The following CDC123 variants were observed in gnomAD, a reference collection of about 807,000 sequenced individuals.
The protein encoded by CDC123 is cell division cycle 123.
CDC123 carries 37 observed loss-of-function variants against 54.4 expected under a neutral mutation model. The observed-to-expected ratio is 0.68, with a 90% CI of 0.52 to 0.89. The LOEUF (loss-of-function observed/expected upper bound fraction) is 0.89, where lower values mean the gene tolerates loss of function less well. CDC123 is among the 40% of genes least tolerant of loss of function. The pLI is 0.00. For synonymous variants in CDC123, 144 were observed against 136.8 expected (o/e 1.05, Z -0.37); for missense variants, 361 against 412.1 (o/e 0.88, Z 1.07).
intron 6 of CDC123, among the ~76,000 whole-genome samples, chr10:12,225,718 T>C (rs969190189): frequency 6.7e-6 from 1 of 149,592 alleles, no homozygotes; most frequent in Non-Finnish European, 1.5e-5. Flanking sequence ...AATAATTGAC[T>C]TTTCTCTTTT....
intron 10 of CDC123, among the ~76,000 whole-genome samples, chr10:12,241,095 C>G (rs1836051472): frequency 6.6e-6 from 1 of 152,156 alleles, no homozygotes; most frequent in African/African-American, 2.4e-5. Context: ...TAGGGTTACA[C>G]TCTTCAGGGT....
chr10:12,235,512 G>T (rs76517520), intron 8 of CDC123, among the ~76,000 whole-genome samples: 3 of 152,134 alleles, frequency 2.0e-5, no homozygotes, highest in Non-Finnish European at 1.5e-5. Flanking sequence ...TATTATTGGG[G>T]CACTGTTTAT....
intron 9 of CDC123, 26 bp from the exon 10 acceptor site, chr10:12,238,431 T>C (rs766520724): frequency 1.3e-6 from 2 of 1,596,256 alleles, no homozygotes; most frequent in East Asian, 4.5e-5. Context: ...AGTTCATTAA[T>C]AACTGACTTT....
Position 12,210,277 on chromosome 10 carries a change from C to G in CDC123, c.205-13C>G. The G allele has an allele frequency of 6.2e-7, 1 of 1,613,376 alleles. No individual in the cohort carries two copies. Among genetic ancestry groups the G allele is most frequent in the Non-Finnish European group, 8.5e-7 (1 of 1,179,840 alleles). ...AAATTTAATGTTTTATTTTTTTCCT[C>G]TTTTTCATGCAGTGGTCTGATGATG... is the stretch of plus-strand genomic sequence containing the variant. On this transcript the variant is annotated splice_polypyrimidine_tract_variant and intron_variant, in intron 3 of 12. Coordinates refer to ENST00000281141, the MANE Select transcript of CDC123 (RefSeq NM_006023.3).
chr10:12,210,392 A>G (rs1835581531), intron 4 of CDC123, 70 bp downstream of exon 4: 1 of 1,541,944 alleles, frequency 6.5e-7, no homozygotes, highest in Admixed American at 1.9e-5. Context: ...TCAAGGTTTA[A>G]GTGCATACCT....
chr10:12,209,428 A>T (rs965861472), intron 2 of CDC123, among the ~76,000 whole-genome samples: 3 of 152,162 alleles, frequency 2.0e-5, no homozygotes, highest in Admixed American at 1.3e-4. Flanking sequence ...GTAAAGACAG[A>T]GTCTCTGTGT....
At chr10:12,214,062 A>G (rs556720191) in intron 4 of CDC123, among the ~76,000 whole-genome samples, 3 of 152,318 alleles carry the variant, frequency 2.0e-5, no homozygotes, top group African/African-American at 7.2e-5. Context: ...TAAACTTTTT[A>G]TAATTTAAAT....
intron 4 of CDC123, among the ~76,000 whole-genome samples, chr10:12,211,781 T>C (rs1473985223): frequency 6.6e-6 from 1 of 152,120 alleles, no homozygotes; most frequent in Non-Finnish European, 1.5e-5. Flanking sequence ...ATTTTAATAG[T>C]GGTGGGGAGT....
intron 1 of CDC123, among the ~76,000 whole-genome samples, chr10:12,198,324 A>G (rs1031186639): frequency 6.6e-6 from 1 of 152,148 alleles, no homozygotes; most frequent in Non-Finnish European, 1.5e-5. Context: ...AGGTGACCAA[A>G]TGCTAGTCAT....
intron 8 of CDC123, among the ~76,000 whole-genome samples, chr10:12,235,895 G>A (rs144443869): frequency 7.2e-4 from 109 of 152,310 alleles, no homozygotes; most frequent in African/African-American, 2.6e-3. Flanking sequence ...TAGGAAGCCC[G>A]TATTTCAGAG....
intron 2 of CDC123, among the ~76,000 whole-genome samples, chr10:12,209,676 C>T (rs745722926): frequency 6.6e-4 from 101 of 152,244 alleles, no homozygotes; most frequent in Non-Finnish European, 1.0e-3. Flanking sequence ...TCAGTCCTCC[C>T]ACCTCAGCCC....
At chr10:12,228,790 G>A (rs147262097) in intron 6 of CDC123, among the ~76,000 whole-genome samples, 3,079 of 152,226 alleles carry the variant, frequency 0.02, 108 homozygotes, top group African/African-American at 0.07. Context: ...GGCTGGTCTC[G>A]AACTCCCAAC....
At chr10:12,207,287 A>C in intron 2 of CDC123, among the ~76,000 whole-genome samples, 1 of 152,148 alleles carries the variant, frequency 6.6e-6, no homozygotes, top group South Asian at 2.1e-4. Flanking sequence ...TTAAAATTTC[A>C]ACTATCATGT....
intron 7 of CDC123, among the ~76,000 whole-genome samples, chr10:12,234,533 A>G (rs935298820): frequency 2.0e-5 from 3 of 152,134 alleles, no homozygotes; most frequent in East Asian, 1.9e-4. Context: ...TTACTTTATT[A>G]TTTGATATTC....
At chr10:12,239,758 C>T (rs999161298) in intron 10 of CDC123, among the ~76,000 whole-genome samples, 2 of 150,524 alleles carry the variant, frequency 1.3e-5, no homozygotes, top group Non-Finnish European at 2.9e-5. Context: ...CCTGTAATCC[C>T]AGCACTTTGG....
intron 6 of CDC123, among the ~76,000 whole-genome samples, chr10:12,219,693 T>TTG (rs199522113): frequency 0.013 from 1,939 of 151,384 alleles, 46 homozygotes; most frequent in African/African-American, 0.04. Context: ...GATAATGGTT[T>TTG]TTTTTTTTTT....
rs543337462 is a variant in CDC123, at chr10:12,200,120, A to ATTTTTTTTTTTTTTTTTTTT, written c.146+1348_146+1367dup. On this transcript the variant is annotated intron_variant, in intron 2 of 12. Transcript: ENST00000281141. Reference sequence around the variant, plus strand: ...ATAGGCCTGAGCCACCGCACTCGGCATTTTTTTTTTTTTTTTTTTTTTTAA... The same window carrying ATTTTTTTTTTTTTTTTTTTT: ...ATAGGCCTGAGCCACCGCACTCGGCATTTTTTTTTTTTTTTTTTTTTTTTTTTTTTTTTTTTTTTTTTTAA... Among the ~76,000 whole-genome samples the ATTTTTTTTTTTTTTTTTTTT allele has an allele frequency of 2.5e-4, 15 of 59,368 alleles. 2 individuals carry two copies. Among genetic ancestry groups the ATTTTTTTTTTTTTTTTTTTT allele is most frequent in the East Asian group, 7.9e-4 (1 of 1,258 alleles). 38.9% of individuals were successfully genotyped at this position (59,368 alleles called of 152,430 possible).
chr10:12,206,985 A>G (rs1835531883), intron 2 of CDC123, among the ~76,000 whole-genome samples: 2 of 151,358 alleles, frequency 1.3e-5, no homozygotes, highest in Admixed American at 1.3e-4. Context: ...AAAGATTGGA[A>G]GCATTATTGT....
At position 12,206,741 on chromosome 10, in the gene CDC123, A is replaced by G. The variant is rs112941259; in HGVS notation, c.147-3226A>G. Among the ~76,000 whole-genome samples, 568 of 152,164 alleles carry G rather than the reference A, an allele frequency of 3.7e-3. 2 individuals carry two copies. The highest frequency in any genetic ancestry group is 0.011 in the South Asian group (51 of 4,820). ...TAGGAGGCCAAGGAGGGCGGATCAC[A>G]AGGTCAGGAGATCGAGACCATCCTG... On this transcript the variant is annotated intron_variant, in intron 2 of 12. Coordinates refer to ENST00000281141, the MANE Select transcript of CDC123 (RefSeq NM_006023.3).
Sources: allele counts gnomAD v4.1 joint callset (sites outside exome capture counted in the v4.1 genomes callset), GRCh38; gene constraint gnomAD v4.1.1; transcripts MANE v1.5; gene names NCBI Gene and HGNC (gene_info 2026-07-23, HGNC 2026-07-21).